The following CSMD3 variants were observed in gnomAD, a reference collection of about 807,000 sequenced individuals.
The protein encoded by CSMD3 is CUB and sushi domain-containing protein 3.
In CSMD3, 177 loss-of-function variants were observed where a neutral mutation model predicts 435.2. That is an observed-to-expected ratio of 0.41 (90% CI 0.36 to 0.46). The LOEUF (loss-of-function observed/expected upper bound fraction) is 0.46, where lower values mean the gene tolerates loss of function less well. CSMD3 is among the 20% of genes least tolerant of loss of function. The pLI is 0.34. For missense variants in CSMD3, 4,265 were observed against 4,504.6 expected (o/e 0.95, Z 1.52); for synonymous variants, 1,656 against 1,520.5 (o/e 1.09, Z -2.07).
chr8:112,516,388 G>A (rs925295517), intron 28 of CSMD3, among the ~76,000 whole-genome samples: 2 of 152,118 alleles, frequency 1.3e-5, no homozygotes, highest in African/African-American at 4.8e-5. Context: ...CTAGTTTAAT[G>A]ATATAGCATA....
chr8:113,231,137 A>G (rs2093081646), intron 3 of CSMD3, among the ~76,000 whole-genome samples: 1 of 151,378 alleles, frequency 6.6e-6, no homozygotes, highest in Admixed American at 6.6e-5. Context: ...TAGATTACTT[A>G]TAACTATATT....
intron 3 of CSMD3, among the ~76,000 whole-genome samples, chr8:113,203,985 C>G (rs1478814437): frequency 1.3e-5 from 2 of 152,104 alleles, no homozygotes; most frequent in Non-Finnish European, 2.9e-5. Flanking sequence ...TATATTTCCT[C>G]TGTGGAGTAA....
rs1400490801 is a variant in CSMD3 at position 112,271,762 on chromosome 8, T to A, written c.9509-6172A>T. On this transcript the variant is annotated intron_variant, in intron 59 of 70. Coordinates refer to ENST00000297405, the MANE Select transcript of CSMD3 (RefSeq NM_198123.2). Reference sequence around the variant, plus strand: ...ATCCGAACAAATGGTAAACACTCAATAACAGATACTATTATTTATGAGAAG... The same window carrying A: ...ATCCGAACAAATGGTAAACACTCAAAAACAGATACTATTATTTATGAGAAG... Among the ~76,000 whole-genome samples the A allele has an allele frequency of 3.3e-5, 5 of 152,310 alleles. No homozygotes were observed. The East Asian group carries it at 5.8e-4, about 18-fold the overall frequency.
chr8:112,904,425 A>G lies in CSMD3; in HGVS notation c.1633+17202T>C, dbSNP rs182194770. On this transcript the variant is annotated intron_variant, in intron 10 of 70. Coordinates refer to ENST00000297405, the MANE Select transcript of CSMD3 (RefSeq NM_198123.2). ...TTGTCTGTTGATTTAAAACAAATAA[A>G]TACATTTGAAAAAAGGTTTAAGATA... Among the ~76,000 whole-genome samples the G allele has an allele frequency of 2.9e-3, 436 of 151,538 alleles. 4 individuals carry two copies. The highest frequency in any genetic ancestry group is 1.0e-2 in the African/African-American group (413 of 41,448).
At chr8:113,112,477 A>G (rs1229025230) in intron 4 of CSMD3, among the ~76,000 whole-genome samples, 1 of 13,744 alleles carries the variant, frequency 7.3e-5, no homozygotes, top group Non-Finnish European at 1.0e-4. Context: ...ACACACGTAC[A>G]CACACACACA....
chr8:112,301,733 C>T (rs2130755542), intron 53 of CSMD3, 60 bp downstream of exon 53: 4 of 1,244,824 alleles, frequency 3.2e-6, no homozygotes, highest in South Asian at 2.4e-5. Context: ...AAAAGAGATG[C>T]CTCTTTTCAA....
intron 14 of CSMD3, among the ~76,000 whole-genome samples, chr8:112,689,462 A>ATTTTT (rs1274087499): frequency 3.3e-5 from 5 of 152,078 alleles, no homozygotes; most frequent in Non-Finnish European, 7.4e-5. Context: ...AAAATAAGTT[A>ATTTTT]GTGCATTATA....
chr8:112,445,204 C>A (rs143509892), intron 32 of CSMD3, among the ~76,000 whole-genome samples: 3 of 152,068 alleles, frequency 2.0e-5, no homozygotes, highest in Non-Finnish European at 4.4e-5. Context: ...GATTGCACCA[C>A]CGCACTCCAG....
intron 22 of CSMD3, among the ~76,000 whole-genome samples, chr8:112,604,561 T>A (rs538490659): frequency 6.6e-6 from 1 of 152,008 alleles, no homozygotes; most frequent in African/African-American, 2.4e-5. Flanking sequence ...AAATAGGTAG[T>A]GTTGAGATGA....
At chr8:112,767,960 A>G (rs895811514) in intron 13 of CSMD3, among the ~76,000 whole-genome samples, 1 of 151,764 alleles carries the variant, frequency 6.6e-6, no homozygotes, top group Non-Finnish European at 1.5e-5. Context: ...AAACAAGAAT[A>G]TTAATCTCTG....
intron 22 of CSMD3, among the ~76,000 whole-genome samples, chr8:112,605,500 A>G (rs1832718914): frequency 6.6e-6 from 1 of 152,294 alleles, no homozygotes; most frequent in South Asian, 2.1e-4. Context: ...CCTGGAGACC[A>G]TTATCCTAAG....
chr8:112,435,411 C>T (rs1019829938), intron 32 of CSMD3, among the ~76,000 whole-genome samples: 2 of 152,034 alleles, frequency 1.3e-5, no homozygotes, highest in African/African-American at 4.8e-5. Flanking sequence ...TTGCACATGG[C>T]TGCACAGCTA....
chr8:112,625,389 C>T (rs1212736942), intron 22 of CSMD3, among the ~76,000 whole-genome samples: 1 of 151,978 alleles, frequency 6.6e-6, no homozygotes, highest in Non-Finnish European at 1.5e-5. Flanking sequence ...GAAAATCAAA[C>T]ATTTTTGAGG....
intron 4 of CSMD3, among the ~76,000 whole-genome samples, chr8:113,148,931 G>C (rs549883861): frequency 1.5e-4 from 23 of 151,724 alleles, no homozygotes; most frequent in African/African-American, 5.5e-4. Flanking sequence ...GTATATACAT[G>C]TTTATGCACA....
chr8:112,290,984 T>C (rs1233725166), intron 56 of CSMD3, among the ~76,000 whole-genome samples: 1 of 152,014 alleles, frequency 6.6e-6, no homozygotes, highest in Non-Finnish European at 1.5e-5. Flanking sequence ...TATCATAACA[T>C]ATAACAAAAT....
intron 4 of CSMD3, among the ~76,000 whole-genome samples, chr8:113,113,797 C>G (rs184754433): frequency 6.6e-6 from 1 of 152,156 alleles, no homozygotes; most frequent in Non-Finnish European, 1.5e-5. Context: ...ACCCCTCAAA[C>G]TAAAATTCAT....
intron 53 of CSMD3, among the ~76,000 whole-genome samples, chr8:112,300,147 T>C (rs1820775051): frequency 1.4e-5 from 2 of 147,470 alleles, no homozygotes; most frequent in African/African-American, 4.9e-5. Flanking sequence ...TATTTAAATA[T>C]TTTAAATATT....
At chr8:112,298,373 G>T (rs189826206) in intron 53 of CSMD3, among the ~76,000 whole-genome samples, 1 of 152,040 alleles carries the variant, frequency 6.6e-6, no homozygotes, top group Admixed American at 6.6e-5. Context: ...AAGTAAAAAA[G>T]CTCCTCAATG....
chr8:112,498,474 C>A (rs1821598685), intron 30 of CSMD3, among the ~76,000 whole-genome samples: 1 of 152,054 alleles, frequency 6.6e-6, no homozygotes, highest in Non-Finnish European at 1.5e-5. Context: ...ATCTCAATTG[C>A]TTAACTACTA....
Sources: allele counts gnomAD v4.1 joint callset (sites outside exome capture counted in the v4.1 genomes callset), GRCh38; gene constraint gnomAD v4.1.1; transcripts MANE v1.5; gene names NCBI Gene and HGNC (gene_info 2026-07-23, HGNC 2026-07-21).